The following PRIM2 variants were observed in gnomAD, a reference collection of about 807,000 sequenced individuals.
PRIM2 encodes the protein DNA primase large subunit.
In PRIM2, 39 loss-of-function variants were observed where a neutral mutation model predicts 67.3. That is an observed-to-expected ratio of 0.58 (90% confidence interval 0.45 to 0.76). The LOEUF (loss-of-function observed/expected upper bound fraction) is 0.76, where lower values mean the gene tolerates loss of function less well. Ranked by LOEUF, PRIM2 falls within the 30% of genes least tolerant of loss-of-function variation. PRIM2 has a pLI of 0.00. For missense variants in PRIM2, 398 were observed against 598.7 expected, an observed-to-expected ratio of 0.66 and a Z score of 3.50; for synonymous variants, 143 against 198.7, an observed-to-expected ratio of 0.72 and a Z score of 2.36.
intron 5 of PRIM2, among the ~76,000 whole-genome samples, chr6:57,346,365 G>A (rs79557311): frequency 6.6e-6 from 1 of 151,952 alleles, no homozygotes; most frequent in Admixed American, 6.6e-5. Context: ...CGCCCAGGCT[G>A]GAGTCCAATG....
chr6:57,470,367 A>G (rs1461354408), intron 7 of PRIM2, among the ~76,000 whole-genome samples: 1 of 110,728 alleles, frequency 9.0e-6, no homozygotes, highest in Non-Finnish European at 1.8e-5. Context: ...TTGGGTTTTT[A>G]GTGTTCTGCT....
chr6:57,231,532 C>G, the PRIM2 span, among the ~76,000 whole-genome samples: 150 of 152,188 alleles, frequency 9.9e-4, no homozygotes, highest in Non-Finnish European at 1.7e-3. Flanking sequence ...CACTCACATC[C>G]AGATACTGAA....
At chr6:57,275,892 G>A in the PRIM2 span, among the ~76,000 whole-genome samples, 1 of 152,094 alleles carries the variant, frequency 6.6e-6, no homozygotes, top group African/African-American at 2.4e-5. Context: ...TAGCAAAAAT[G>A]CAAAACTATC....
intron 7 of PRIM2, among the ~76,000 whole-genome samples, chr6:57,430,447 GTTTTTTT>G (rs71687266): frequency 1.3e-5 from 1 of 78,136 alleles, no homozygotes; most frequent in African/African-American, 4.1e-5. Flanking sequence ...TTCTTTCTTT[GTTTTTTT>G]TTTTTTTTTT....
chr6:57,302,497 T>A, the PRIM2 span, among the ~76,000 whole-genome samples: 1 of 152,220 alleles, frequency 6.6e-6, no homozygotes, highest in South Asian at 2.1e-4. Flanking sequence ...GTTATCCACT[T>A]ATGGTTAAGA....
chr6:57,516,451 ATTTAC>A (rs1477088498), intron 8 of PRIM2, among the ~76,000 whole-genome samples: 3 of 152,312 alleles, frequency 2.0e-5, no homozygotes, highest in Admixed American at 1.3e-4. Flanking sequence ...TTTGTAGTTA[ATTTAC>A]TTTACTAGTT....
chr6:57,506,768 T>G (rs1398627636), intron 7 of PRIM2, among the ~76,000 whole-genome samples: 1 of 152,116 alleles, frequency 6.6e-6, no homozygotes, highest in Non-Finnish European at 1.5e-5. Context: ...CATATTTTGA[T>G]GATATGCTGT....
chr6:57,548,439 G>C (rs2127474110), intron 10 of PRIM2, among the ~76,000 whole-genome samples: 1 of 152,226 alleles, frequency 6.6e-6, no homozygotes, highest in Admixed American at 6.5e-5. Flanking sequence ...AAGTTGGGGT[G>C]GGCAGGAGCA....
chr6:57,241,407 TTAAAAAA>T, the PRIM2 span, among the ~76,000 whole-genome samples: 2 of 151,624 alleles, frequency 1.3e-5, no homozygotes, highest in Admixed American at 1.3e-4. Context: ...AGACCCTGTT[TTAAAAAA>T]TAAAAAATAA....
chr6:57,326,006 T>A lies in PRIM2; in HGVS notation c.420T>A (p.Ile140=). The A allele has an allele frequency of 6.2e-7, 1 of 1,612,848 alleles. No individual in the cohort carries two copies. The highest frequency in any genetic ancestry group is 1.3e-5 in the African/African-American group (1 of 75,012). ...TTAGTATTTTACCCAAGGATAAAAT[T>A]CAGGATTTCTTAAAGGATAGCCAAT... ...FRFSILPKDK[I]QDFLKDSQLQ... The change falls in exon 5 of 14, where the codon ATT becomes ATA. Residue 140 remains isoleucine (I), a synonymous_variant. Coordinates refer to ENST00000615550, the MANE Select transcript of PRIM2 (RefSeq NM_000947.5).
intron 10 of PRIM2, among the ~76,000 whole-genome samples, chr6:57,566,522 T>TTA (rs1775744961): frequency 6.6e-6 from 1 of 152,212 alleles, no homozygotes; most frequent in Non-Finnish European, 1.5e-5. Context: ...ATTCTGCACC[T>TTA]TAGTATTGAG....
At chr6:57,256,910 A>G in the PRIM2 span, among the ~76,000 whole-genome samples, 1 of 152,174 alleles carries the variant, frequency 6.6e-6, no homozygotes, top group Non-Finnish European at 1.5e-5. Flanking sequence ...CAATTAACCT[A>G]TTTTGTTCAA....
chr6:57,330,825 T>G (rs1768032596), intron 5 of PRIM2, among the ~76,000 whole-genome samples: 1 of 152,136 alleles, frequency 6.6e-6, no homozygotes, highest in Admixed American at 6.5e-5. Flanking sequence ...GAAAGGATGT[T>G]GTATTTTGTC....
chr6:57,325,811 A>G (rs541086048), intron 4 of PRIM2, 114 bp from the exon 5 acceptor site: 2 of 1,030,496 alleles, frequency 1.9e-6, no homozygotes, highest in African/African-American at 3.3e-5. Flanking sequence ...GCATGTTTTT[A>G]ACTGCTGTCC....
the PRIM2 span, among the ~76,000 whole-genome samples, chr6:57,282,353 T>A: frequency 2.6e-5 from 4 of 152,216 alleles, no homozygotes; most frequent in East Asian, 1.9e-4. Context: ...TGTCATGGAG[T>A]CTCACAGCTT....
chr6:57,237,481 G>A, the PRIM2 span, among the ~76,000 whole-genome samples: 1 of 152,270 alleles, frequency 6.6e-6, no homozygotes, highest in East Asian at 1.9e-4. Flanking sequence ...TAGACGTGAA[G>A]TCCTTGACCA....
At chr6:57,369,259 C>T (rs1769466766) in intron 5 of PRIM2, among the ~76,000 whole-genome samples, 1 of 152,182 alleles carries the variant, frequency 6.6e-6, no homozygotes, top group Non-Finnish European at 1.5e-5. Context: ...GAAATTGCCT[C>T]TCTCAGTTCC....
chr6:57,507,622 T>G (rs1325958410), intron 8 of PRIM2, among the ~76,000 whole-genome samples, 168 bp downstream of exon 8: 53 of 152,334 alleles, frequency 3.5e-4, no homozygotes, highest in Admixed American at 2.8e-3. Context: ...CTTGTTACCC[T>G]TACTTTATTT....
At chr6:57,231,976 T>C in the PRIM2 span, among the ~76,000 whole-genome samples, 1 of 152,356 alleles carries the variant, frequency 6.6e-6, no homozygotes, top group African/African-American at 2.4e-5. Context: ...TAAGTTATAG[T>C]TGGTTACTTC....
Sources: gnomAD v4.1 joint callset for allele counts (sites outside exome capture counted in the v4.1 genomes callset) on GRCh38, gnomAD v4.1.1 for gene constraint, MANE v1.5 for transcripts, NCBI Gene and HGNC (gene_info 2026-07-23, HGNC 2026-07-21) for gene names.